CADM2: variants seen among roughly 807,000 people sequenced by gnomAD.
CADM2 encodes immunoglobulin superfamily member 4D.
Under a neutral mutation model 49.8 loss-of-function variants are expected in CADM2, and 12 were observed. The observed-to-expected ratio is 0.24, with a 90% CI of 0.15 to 0.39. The LOEUF (loss-of-function observed/expected upper bound fraction) is 0.39. CADM2 is among the 10% of genes least tolerant of loss of function. CADM2 has a pLI of 1.00. For missense variants in CADM2, 378 were observed against 492.3 expected (o/e 0.77, Z 2.20); for synonymous variants, 214 against 175.4 (o/e 1.22, Z -1.74).
chr3:85,556,663 G>T (rs2061967549), intron 1 of CADM2, among the ~76,000 whole-genome samples: 1 of 152,100 alleles, frequency 6.6e-6, no homozygotes, highest in Admixed American at 6.6e-5. Flanking sequence ...CAGGTCAGCA[G>T]AGAAACGATT....
chr3:86,066,700 G>T lies in CADM2; in HGVS notation c.1132G>T (p.Asp378Tyr). ...YLTNEAKGAE[D>Y]APDADTAIIN... is the part of the protein sequence containing the mutation. ...AACAAATGAAGCTAAAGGAGCTGAAGATGCACCAGATGCTGATACAGCCAT... is the reference window on the plus strand; with the variant it reads ...AACAAATGAAGCTAAAGGAGCTGAATATGCACCAGATGCTGATACAGCCAT... The change falls in exon 10 of 10, where the codon GAT (aspartate) becomes TAT (tyrosine). Residue 378 changes from aspartate to tyrosine, a missense_variant. By Grantham distance (160) the Asp-to-Tyr change is radical. Transcript: ENST00000383699. 1 of 1,613,970 alleles carries T rather than the reference G, an allele frequency of 6.2e-7. No homozygotes were observed. The highest frequency in any genetic ancestry group is 8.5e-7 in the Non-Finnish European group (1 of 1,179,872).
In CADM2 at chr3:86,067,524, T is replaced by C. The variant is rs1157387121; in HGVS notation, c.*741T>C. The C allele has an allele frequency of 2.0e-5, 3 of 152,576 alleles. No individual in the cohort carries two copies. Among genetic ancestry groups the C allele is most frequent in the Non-Finnish European group, 4.4e-5 (3 of 67,964 alleles). The allele number at this position is 152,576 out of a possible 1,614,324, so 9.5% of individuals were successfully genotyped here. A position where few individuals can be genotyped will look rare whatever the true frequency, so the allele number is the denominator to read the frequency against. ...CAATAAATTATTCCAAATGATTTAC[T>C]GCTTTTGGAATCACAAATATTTAAT... On this transcript the variant is annotated 3_prime_UTR_variant, in exon 10 of 10. Coordinates refer to ENST00000383699, the MANE Select transcript of CADM2 (RefSeq NM_001167675.2).
At chr3:85,253,798 G>A (rs1365949034) in intron 1 of CADM2, among the ~76,000 whole-genome samples, 1 of 152,056 alleles carries the variant, frequency 6.6e-6, no homozygotes, top group Non-Finnish European at 1.5e-5. Context: ...GATAATTTGG[G>A]TAATTAAATT....
chr3:85,352,143 G>A (rs2031412485), intron 1 of CADM2, among the ~76,000 whole-genome samples: 1 of 151,960 alleles, frequency 6.6e-6, no homozygotes, highest in Admixed American at 6.6e-5. Context: ...GTTTTTTGAG[G>A]TTTCTTAAAA....
intron 1 of CADM2, among the ~76,000 whole-genome samples, chr3:85,012,668 A>C (rs780335166): frequency 5.3e-5 from 8 of 151,164 alleles, no homozygotes; most frequent in Non-Finnish European, 1.2e-4. Context: ...CAAAAAGAAA[A>C]TATAAAGTCC....
chr3:85,926,758 G>A (rs975394524), intron 6 of CADM2, among the ~76,000 whole-genome samples: 1 of 151,996 alleles, frequency 6.6e-6, no homozygotes, highest in Non-Finnish European at 1.5e-5. Context: ...TTTTTTGACT[G>A]TCAATGAGGA....
chr3:85,144,598 T>G (rs1361217598), intron 1 of CADM2, among the ~76,000 whole-genome samples: 1 of 118,872 alleles, frequency 8.4e-6, no homozygotes, highest in Non-Finnish European at 1.6e-5. Flanking sequence ...GGTGACAGAG[T>G]GAGACTCCAT....
At chr3:85,483,905 A>T (rs2039313755) in intron 1 of CADM2, among the ~76,000 whole-genome samples, 1 of 151,664 alleles carries the variant, frequency 6.6e-6, no homozygotes, top group Non-Finnish European at 1.5e-5. Context: ...AAAAAACTCG[A>T]AGGCCTGTAA....
intron 3 of CADM2, among the ~76,000 whole-genome samples, chr3:85,831,980 A>G (rs947584502): frequency 5.3e-5 from 8 of 151,908 alleles, no homozygotes; most frequent in Admixed American, 2.0e-4. Context: ...TCTTCAGTCC[A>G]TCTTCAGTTG....
intron 1 of CADM2, among the ~76,000 whole-genome samples, chr3:85,424,325 T>A (rs2036302380): frequency 6.6e-6 from 1 of 151,286 alleles, no homozygotes. Context: ...TGAAAAATAA[T>A]ATATATGTCT....
At chr3:85,693,005 G>A (rs955800234) in intron 1 of CADM2, among the ~76,000 whole-genome samples, 8 of 151,992 alleles carry the variant, frequency 5.3e-5, no homozygotes, top group East Asian at 1.9e-4. Flanking sequence ...TGAGGCGGGC[G>A]GATCACTAGA....
intron 1 of CADM2, among the ~76,000 whole-genome samples, chr3:85,416,500 G>A (rs1418708017): frequency 6.6e-6 from 1 of 152,124 alleles, no homozygotes; most frequent in Non-Finnish European, 1.5e-5. Context: ...CAACAGAAAA[G>A]GGCTTTTGAA....
intron 1 of CADM2, among the ~76,000 whole-genome samples, chr3:85,707,763 A>G (rs1316351107): frequency 6.6e-6 from 1 of 152,150 alleles, no homozygotes; most frequent in Non-Finnish European, 1.5e-5. Context: ...TGCCTTTTTA[A>G]GTATAAGATT....
chr3:85,534,758 A>G (rs900683169), intron 1 of CADM2, among the ~76,000 whole-genome samples: 1 of 152,148 alleles, frequency 6.6e-6, no homozygotes, highest in South Asian at 2.1e-4. Flanking sequence ...TTTAATTTTC[A>G]TGTAATTTAT....
chr3:85,534,000 C>A (rs2061373886), intron 1 of CADM2, among the ~76,000 whole-genome samples: 1 of 152,010 alleles, frequency 6.6e-6, no homozygotes. Flanking sequence ...AGCTAAGATG[C>A]AAAATGACAT....
rs1163261809 is a variant in CADM2, at chr3:85,861,603, A to G, written c.239-21688A>G. Among the ~76,000 whole-genome samples the G allele has an allele frequency of 4.6e-5, 7 of 152,142 alleles. 1 individual carries two copies. Among genetic ancestry groups the G allele is most frequent in the Non-Finnish European group, 1.0e-4 (7 of 68,008 alleles). On this transcript the variant is annotated intron_variant, in intron 3 of 9. Coordinates refer to ENST00000383699, the MANE Select transcript of CADM2 (RefSeq NM_001167675.2). ...GGGGGTAGGTATAGGCTGCAGATAC[A>G]AATTTTTGATAAAAAAGTTATATAA...
At chr3:85,049,586 G>C (rs190530447) in intron 1 of CADM2, among the ~76,000 whole-genome samples, 1 of 151,762 alleles carries the variant, frequency 6.6e-6, no homozygotes, top group Non-Finnish European at 1.5e-5. Flanking sequence ...TCCTGACCTC[G>C]TGATCTGCCC....
intron 1 of CADM2, among the ~76,000 whole-genome samples, chr3:84,975,173 C>T (rs2031735940): frequency 6.6e-6 from 1 of 151,708 alleles, no homozygotes; most frequent in Non-Finnish European, 1.5e-5. Flanking sequence ...ATTGTGCCTT[C>T]CCATAATCTT....
chr3:85,507,252 C>A (rs374611103), intron 1 of CADM2, among the ~76,000 whole-genome samples: 13 of 146,816 alleles, frequency 8.9e-5, no homozygotes, highest in African/African-American at 3.3e-4. Context: ...GGTGCGATCT[C>A]GGCTTATTGC....
Sources: gnomAD v4.1 joint callset for allele counts (sites outside exome capture counted in the v4.1 genomes callset) on GRCh38, gnomAD v4.1.1 for gene constraint, MANE v1.5 for transcripts, NCBI Gene and HGNC (gene_info 2026-07-23, HGNC 2026-07-21) for gene names.